The following PCDH15 variants were observed in gnomAD, a reference collection of about 807,000 sequenced individuals.
PCDH15 encodes protocadherin related 15, also known as protocadherin-15.
In PCDH15, 129 loss-of-function variants were observed where a neutral mutation model predicts 178.5. The observed-to-expected ratio is 0.72, with a 90% CI of 0.63 to 0.84. The LOEUF is 0.84. PCDH15 is among the 40% of genes least tolerant of loss of function. The pLI, the probability that PCDH15 is intolerant of heterozygous loss-of-function variation, is 0.00. For missense variants in PCDH15, 2,230 were observed against 2,099.9 expected (o/e 1.06, Z -1.21); for synonymous variants, 800 against 732.0 (o/e 1.09, Z -1.50).
intron 6 of PCDH15, among the ~76,000 whole-genome samples, chr10:54,344,518 A>C (rs995930082): frequency 2.0e-5 from 3 of 152,142 alleles, no homozygotes; most frequent in Non-Finnish European, 4.4e-5. Flanking sequence ...TTATGCATGC[A>C]ATAAATATCT....
intron 3 of PCDH15, among the ~76,000 whole-genome samples, chr10:54,844,455 T>C (rs901286504): frequency 6.6e-6 from 1 of 151,952 alleles, no homozygotes; most frequent in Non-Finnish European, 1.5e-5. Context: ...ACATATATGC[T>C]TTCCCTCACT....
chr10:54,868,694 T>C (rs1462125073), intron 3 of PCDH15, among the ~76,000 whole-genome samples: 1 of 152,220 alleles, frequency 6.6e-6, no homozygotes, highest in Non-Finnish European at 1.5e-5. Context: ...AAAACTGTTC[T>C]TTATATTTTG....
At chr10:54,174,139 C>A (rs576650312) in intron 13 of PCDH15, among the ~76,000 whole-genome samples, 8 of 152,110 alleles carry the variant, frequency 5.3e-5, no homozygotes, top group African/African-American at 1.9e-4. Flanking sequence ...TGTAATATAG[C>A]CCACTGGCTA....
At chr10:55,584,021 G>T (rs1365693135) in intron 2 of PCDH15, among the ~76,000 whole-genome samples, 1 of 151,794 alleles carries the variant, frequency 6.6e-6, no homozygotes, top group Non-Finnish European at 1.5e-5. Flanking sequence ...GGGACTACAG[G>T]GTCATGCCAC....
At position 54,992,596 on chromosome 10, in the gene PCDH15, C is replaced by CA. The variant is rs568055061; in HGVS notation, c.-79-95097dup. Among the ~76,000 whole-genome samples the CA allele has an allele frequency of 5.3e-3, 792 of 150,432 alleles. 4 individuals carry two copies. Among genetic ancestry groups the CA allele is most frequent in the African/African-American group, 0.018 (747 of 41,062 alleles). ...TGAAACCCTGTCTCTACTAAAAATA[C>CA]AAAAAAAAATTAGCCGGGCGTGGTG... On this transcript the variant is annotated intron_variant, in intron 2 of 5. Transcript: ENST00000458638.
intron 2 of PCDH15, among the ~76,000 whole-genome samples, chr10:55,118,083 A>G (rs78269658): frequency 0.041 from 6,166 of 152,220 alleles, 295 homozygotes; most frequent in East Asian, 0.14. Context: ...AGTGAAGATT[A>G]TAACCTTCTG....
intron 3 of PCDH15, among the ~76,000 whole-genome samples, chr10:54,447,584 A>G (rs1240872550): frequency 6.6e-6 from 1 of 151,700 alleles, no homozygotes; most frequent in African/African-American, 2.4e-5. Flanking sequence ...TTTAAGGCCC[A>G]TTAACCTTTT....
intron 32 of PCDH15, among the ~76,000 whole-genome samples, chr10:53,826,984 C>T (rs1312293006): frequency 6.6e-6 from 1 of 151,820 alleles, no homozygotes; most frequent in African/African-American, 2.4e-5. Flanking sequence ...ATCAGGATTA[C>T]TATTTTATGA....
chr10:55,419,190 G>A (rs1226759726), intron 2 of PCDH15, among the ~76,000 whole-genome samples: 2 of 151,672 alleles, frequency 1.3e-5, no homozygotes, highest in Non-Finnish European at 3.0e-5. Context: ...AGCGAAATGG[G>A]GAGGGAGGCC....
intron 2 of PCDH15, among the ~76,000 whole-genome samples, chr10:55,109,830 T>G (rs1225422762): frequency 1.3e-5 from 2 of 152,048 alleles, no homozygotes; most frequent in Non-Finnish European, 2.9e-5. Context: ...TTGAGCTTTA[T>G]TCTCGAAATT....
chr10:55,469,207 C>G (rs1839906262), intron 2 of PCDH15: 1 of 152,032 alleles, frequency 6.6e-6, no homozygotes, highest in Admixed American at 6.5e-5. Context: ...AAACAAAATA[C>G]AGAGGCAACA....
chr10:54,902,263 A>G (rs1274891411), intron 2 of PCDH15, among the ~76,000 whole-genome samples: 1 of 152,214 alleles, frequency 6.6e-6, no homozygotes, highest in Non-Finnish European at 1.5e-5. Context: ...CCTATTTGAA[A>G]GAGCTGATAC....
chr10:53,952,379 G>A (rs146438812), intron 23 of PCDH15, among the ~76,000 whole-genome samples: 6 of 152,278 alleles, frequency 3.9e-5, no homozygotes, highest in South Asian at 2.1e-4. Flanking sequence ...AGGCTGTCCC[G>A]ATGTCTGCAG....
At chr10:54,834,173 A>ATCTAATAT (rs1953273403) in intron 3 of PCDH15, among the ~76,000 whole-genome samples, 1 of 151,802 alleles carries the variant, frequency 6.6e-6, no homozygotes, top group South Asian at 2.1e-4. Context: ...AGTAAAATAT[A>ATCTAATAT]TCTAATATTG....
chr10:54,017,116 C>T lies in PCDH15; in HGVS notation c.2751+3076G>A, dbSNP rs111727863. ...TCAGCTCACTGCAACATCCGTCTCC[C>T]GGGTTCAAGCGATTCTCCTGCCTCA... On this transcript the variant is annotated intron_variant, in intron 20 of 37. Transcript: ENST00000644397. Among the ~76,000 whole-genome samples the T allele has an allele frequency of 5.9e-3, 898 of 152,198 alleles. 6 individuals are homozygous for T. Among genetic ancestry groups the T allele is most frequent in the African/African-American group, 0.02 (828 of 41,530 alleles).
chr10:54,952,924 T>G (rs1838383049), intron 2 of PCDH15, among the ~76,000 whole-genome samples: 1 of 151,672 alleles, frequency 6.6e-6, no homozygotes, highest in South Asian at 2.1e-4. Flanking sequence ...ACATAGGCAA[T>G]CATATCATCT....
At chr10:53,882,739 CAA>C (rs2080818237) in intron 26 of PCDH15, among the ~76,000 whole-genome samples, 1 of 152,128 alleles carries the variant, frequency 6.6e-6, no homozygotes, top group African/African-American at 2.4e-5. Flanking sequence ...TATCTCTTTG[CAA>C]AGTTATTAGA....
At chr10:54,701,694 TA>T (rs1282532021) in intron 1 of PCDH15, among the ~76,000 whole-genome samples, 1 of 151,844 alleles carries the variant, frequency 6.6e-6, no homozygotes, top group Non-Finnish European at 1.5e-5. Context: ...CACAAGCAAT[TA>T]AAAAGACAAA....
At chr10:55,098,933 A>C (rs995783220) in intron 2 of PCDH15, among the ~76,000 whole-genome samples, 1 of 131,576 alleles carries the variant, frequency 7.6e-6, no homozygotes, top group East Asian at 2.5e-4. Context: ...AGAGAGAGAG[A>C]GCTCTTATCC....
Sources: gnomAD v4.1 joint callset for allele counts (sites outside exome capture counted in the v4.1 genomes callset) on GRCh38, gnomAD v4.1.1 for gene constraint, MANE v1.5 for transcripts, NCBI Gene and HGNC (gene_info 2026-07-23, HGNC 2026-07-21) for gene names.